The following JAM2 variants were observed in gnomAD, a reference collection of about 807,000 sequenced individuals.
The protein encoded by JAM2 is junctional adhesion molecule 2.
Under a neutral mutation model 42.0 loss-of-function variants are expected in JAM2, and 17 were observed. The ratio of observed to expected loss-of-function variants is 0.40; its 90% CI spans 0.28 to 0.61. The LOEUF is 0.61. Ranked by LOEUF, JAM2 falls within the 20% of genes least tolerant of loss-of-function variation. The pLI is 0.37. For synonymous variants in JAM2, 118 were observed against 128.6 expected (o/e 0.92, Z 0.56); for missense variants, 319 against 358.3 (o/e 0.89, Z 0.89).
chr21:25,713,121 A>G (rs534445089), intron 9 of JAM2, among the ~76,000 whole-genome samples: 4 of 152,202 alleles, frequency 2.6e-5, no homozygotes, highest in South Asian at 2.1e-4. Flanking sequence ...TCATCACCTA[A>G]TCACCTCCTA....
rs192743011 is a variant in JAM2, at chr21:25,690,599, C to T, written c.241+626C>T. ...CTGGGCTCAACCCATCCTCCTGCCTCGGTCTCCAAAAGTACTGGAATTACA... is the reference window on the plus strand; with the variant it reads ...CTGGGCTCAACCCATCCTCCTGCCTTGGTCTCCAAAAGTACTGGAATTACA... On this transcript the variant is annotated intron_variant, in intron 3 of 9. Coordinates refer to ENST00000480456, the MANE Select transcript of JAM2 (RefSeq NM_021219.4). Among the ~76,000 whole-genome samples, 706 of 152,238 alleles carry T rather than the reference C, an allele frequency of 4.6e-3. 3 individuals carry two copies. The highest frequency in any genetic ancestry group is 8.1e-3 in the Non-Finnish European group (548 of 68,030).
intron 1 of JAM2, among the ~76,000 whole-genome samples, chr21:25,680,810 A>C (rs2033613634): frequency 7.1e-6 from 1 of 140,482 alleles, no homozygotes; most frequent in Non-Finnish European, 1.5e-5. Flanking sequence ...CGATGGATGG[A>C]TGGATGGATG....
chr21:25,677,275 T>G (rs1261002003), intron 1 of JAM2, among the ~76,000 whole-genome samples: 2 of 152,152 alleles, frequency 1.3e-5, no homozygotes, highest in Non-Finnish European at 2.9e-5. Flanking sequence ...CTAATTCCCT[T>G]TATAATTTTT....
chr21:25,644,866 T>TTTTGTTTGTTTGTTTGTTTG (rs57234199), intron 1 of JAM2, among the ~76,000 whole-genome samples: 63 of 151,440 alleles, frequency 4.2e-4, no homozygotes, highest in African/African-American at 1.5e-3. Flanking sequence ...GGTTTTTTGG[T>TTTTGTTTGTTTGTTTGTTTG]TTTGTTTGTT....
At chr21:25,643,830 G>C (rs1311687090) in intron 1 of JAM2, 1 of 152,124 alleles carries the variant, frequency 6.6e-6, no homozygotes, top group African/African-American at 2.4e-5. Context: ...AGTTTAATGA[G>C]AGGAGCCCAC....
intron 1 of JAM2, among the ~76,000 whole-genome samples, chr21:25,683,177 T>A (rs1424501640): frequency 2.6e-5 from 4 of 152,014 alleles, no homozygotes; most frequent in African/African-American, 9.7e-5. Context: ...CCTATCTGTA[T>A]CAAAGGTGCC....
chr21:25,713,739 C>T (rs992898768), intron 9 of JAM2, among the ~76,000 whole-genome samples: 2 of 152,226 alleles, frequency 1.3e-5, no homozygotes, highest in South Asian at 2.1e-4. Context: ...TTTGTTCCCA[C>T]CATTTTTGTG....
rs903752676 is a variant in JAM2 at position 25,715,546 on chromosome 21, G to C, written c.*874G>C. The C allele has an allele frequency of 2.6e-5, 4 of 152,224 alleles. No individual in the cohort carries two copies. In the East Asian group the frequency reaches 7.7e-4, roughly 29 times the overall value. The allele number at this position is 152,224 out of a possible 1,614,324, so 9.4% of individuals were successfully genotyped here. A position where few individuals can be genotyped will look rare whatever the true frequency, so the allele number is the denominator to read the frequency against. On this transcript the variant is annotated 3_prime_UTR_variant, in exon 10 of 10. Coordinates refer to ENST00000480456, the MANE Select transcript of JAM2 (RefSeq NM_021219.4). ...TTTCTGTCTCTAAAAATTGTGCAGT[G>C]ACATTCCGGGCCAAGTCCCTTAGTC...
At chr21:25,647,811 A>C (rs980685654) in intron 1 of JAM2, among the ~76,000 whole-genome samples, 4 of 152,262 alleles carry the variant, frequency 2.6e-5, no homozygotes, top group Non-Finnish European at 5.9e-5. Context: ...CTATTTTTAA[A>C]GGAGACCAAA....
At chr21:25,693,716 T>C in intron 3 of JAM2, 40 bp from the exon 4 acceptor site, 2 of 1,554,416 alleles carry the variant, frequency 1.3e-6, no homozygotes, top group East Asian at 4.5e-5. Context: ...AGAAAGCTAC[T>C]TGGATTATTA....
At chr21:25,703,913 T>C (rs2034219529) in intron 6 of JAM2, among the ~76,000 whole-genome samples, 2 of 152,180 alleles carry the variant, frequency 1.3e-5, no homozygotes. Flanking sequence ...TCTATTACTC[T>C]TCTGTCTCCC....
chr21:25,706,478 G>A lies in JAM2; in HGVS notation c.805+392G>A, dbSNP rs114225841. Among the ~76,000 whole-genome samples the A allele has an allele frequency of 5.4e-3, 826 of 152,010 alleles. 2 individuals carry two copies. Among genetic ancestry groups the A allele is most frequent in the African/African-American group, 0.018 (731 of 41,468 alleles). On this transcript the variant is annotated intron_variant, in intron 7 of 9. Coordinates refer to ENST00000480456, the MANE Select transcript of JAM2 (RefSeq NM_021219.4). ...ATTACAGGTGTGAGCTATTGTGCCC[G>A]GCCCTCTCCTAGCAAGTTTTAACAA...
At chr21:25,697,319 G>C (rs557456760) in intron 4 of JAM2, among the ~76,000 whole-genome samples, 2 of 152,234 alleles carry the variant, frequency 1.3e-5, no homozygotes, top group Non-Finnish European at 2.9e-5. Context: ...ACAGTACCTA[G>C]ATTAGTGTTT....
intron 7 of JAM2, among the ~76,000 whole-genome samples, chr21:25,706,704 G>A (rs548912737): frequency 2.0e-5 from 3 of 152,224 alleles, no homozygotes; most frequent in South Asian, 4.2e-4. Context: ...CAATGTGAAC[G>A]GATATTTATA....
At chr21:25,688,286 GCGCCCA>G (rs2033798771) in intron 2 of JAM2, among the ~76,000 whole-genome samples, 1 of 144,936 alleles carries the variant, frequency 6.9e-6, no homozygotes, top group East Asian at 2.0e-4. Flanking sequence ...GTGTGTACAC[GCGCCCA>G]CACGCACGCA....
At chr21:25,669,777 T>A (rs1250253462) in intron 1 of JAM2, among the ~76,000 whole-genome samples, 2 of 152,232 alleles carry the variant, frequency 1.3e-5, no homozygotes, top group African/African-American at 4.8e-5. Flanking sequence ...TGTTTCCATC[T>A]ATAATGAAGA....
intron 6 of JAM2, 24 bp from the exon 7 acceptor site, chr21:25,705,955 T>C: frequency 3.4e-6 from 5 of 1,457,548 alleles, no homozygotes; most frequent in Non-Finnish European, 4.8e-6. Context: ...CATATATTTA[T>C]GCGTAATTTA....
intron 1 of JAM2, among the ~76,000 whole-genome samples, chr21:25,668,674 G>A (rs1479084641): frequency 6.6e-6 from 1 of 152,208 alleles, no homozygotes; most frequent in Non-Finnish European, 1.5e-5. Flanking sequence ...CAGGTGATAG[G>A]CATTTGGATC....
intron 1 of JAM2, among the ~76,000 whole-genome samples, chr21:25,646,030 C>T (rs2032599125): frequency 6.6e-6 from 1 of 152,176 alleles, no homozygotes; most frequent in Non-Finnish European, 1.5e-5. Flanking sequence ...TGGGACATTA[C>T]TGTATACTAC....
Sources: allele counts gnomAD v4.1 joint callset (sites outside exome capture counted in the v4.1 genomes callset), GRCh38; gene constraint gnomAD v4.1.1; transcripts MANE v1.5; gene names NCBI Gene and HGNC (gene_info 2026-07-23, HGNC 2026-07-21).